TCERG1L: variants seen among roughly 807,000 people sequenced by gnomAD.
TCERG1L encodes the protein transcription elongation regulator 1-like protein.
TCERG1L carries 37 observed loss-of-function variants against 56.3 expected under a neutral mutation model. The ratio of observed to expected loss-of-function variants is 0.66; its 90% confidence interval spans 0.51 to 0.87. TCERG1L has a LOEUF of 0.87. TCERG1L is among the 40% of genes least tolerant of loss of function. TCERG1L has a pLI of 0.00. For synonymous variants in TCERG1L, 324 were observed against 326.3 expected (o/e 0.99, Z 0.08); for missense variants, 799 against 774.2 (o/e 1.03, Z -0.38).
intron 4 of TCERG1L, among the ~76,000 whole-genome samples, chr10:131,225,998 T>C (rs1249477791): frequency 6.6e-6 from 1 of 152,226 alleles, no homozygotes; most frequent in Non-Finnish European, 1.5e-5. Context: ...AGTGCAGTGG[T>C]GCCATCATGG....
intron 4 of TCERG1L, among the ~76,000 whole-genome samples, chr10:131,171,833 A>C (rs1846095663): frequency 6.6e-6 from 1 of 152,206 alleles, no homozygotes; most frequent in Admixed American, 6.5e-5. Flanking sequence ...GGCCTCCCAA[A>C]GTGCTGGGAT....
At chr10:131,136,059 C>T (rs966138121) in intron 7 of TCERG1L, among the ~76,000 whole-genome samples, 3 of 152,222 alleles carry the variant, frequency 2.0e-5, no homozygotes, top group African/African-American at 7.2e-5. Context: ...CCCCACCATG[C>T]TAACGAAAAT....
chr10:131,202,319 T>C (rs1347664062), intron 4 of TCERG1L, among the ~76,000 whole-genome samples: 1 of 152,200 alleles, frequency 6.6e-6, no homozygotes, highest in Non-Finnish European at 1.5e-5. Context: ...CGGTGGTTCA[T>C]GCCTGTAATC....
intron 3 of TCERG1L, among the ~76,000 whole-genome samples, chr10:131,299,277 T>A (rs1846732416): frequency 6.6e-6 from 1 of 152,134 alleles, no homozygotes. Context: ...CAAACTTCTG[T>A]CTATTCATTA....
intron 8 of TCERG1L, among the ~76,000 whole-genome samples, chr10:131,122,324 G>A (rs922707719): frequency 4.6e-5 from 7 of 152,192 alleles, no homozygotes; most frequent in African/African-American, 1.7e-4. Context: ...GGGCTGGCGT[G>A]TCAGGAAACA....
chr10:131,159,127 C>T (rs1020477527), intron 6 of TCERG1L, among the ~76,000 whole-genome samples: 44 of 152,218 alleles, frequency 2.9e-4, no homozygotes, highest in Admixed American at 1.8e-3. Context: ...TTGGGGGCCT[C>T]GGCAGGAAAA....
intron 7 of TCERG1L, among the ~76,000 whole-genome samples, chr10:131,139,397 C>G (rs201483577): frequency 6.6e-6 from 1 of 152,164 alleles, no homozygotes; most frequent in Non-Finnish European, 1.5e-5. Flanking sequence ...TGCATCCAGA[C>G]AGGGCAAGGG....
At chr10:131,263,117 C>A (rs1316869643) in intron 3 of TCERG1L, among the ~76,000 whole-genome samples, 1 of 152,088 alleles carries the variant, frequency 6.6e-6, no homozygotes, top group Non-Finnish European at 1.5e-5. Context: ...AACTGCCAGA[C>A]TGTCTTCCAC....
intron 4 of TCERG1L, among the ~76,000 whole-genome samples, chr10:131,207,309 G>A (rs962493859): frequency 1.2e-4 from 19 of 152,146 alleles, no homozygotes; most frequent in African/African-American, 4.6e-4. Flanking sequence ...AAGCCAGCAT[G>A]AGTGTCACCT....
intron 4 of TCERG1L, among the ~76,000 whole-genome samples, chr10:131,177,654 C>T (rs1229499286): frequency 2.0e-5 from 3 of 152,150 alleles, no homozygotes; most frequent in Admixed American, 6.5e-5. Context: ...CAGAGGGCAG[C>T]GTGTGTGCTG....
chr10:131,158,680 C>T (rs538277501), intron 6 of TCERG1L, among the ~76,000 whole-genome samples: 4 of 152,318 alleles, frequency 2.6e-5, no homozygotes, highest in South Asian at 2.1e-4. Context: ...TCTACACTTA[C>T]GTAGACAGAG....
At chr10:131,182,142 A>T (rs1845186411) in intron 4 of TCERG1L, among the ~76,000 whole-genome samples, 1 of 152,176 alleles carries the variant, frequency 6.6e-6, no homozygotes, top group Admixed American at 6.5e-5. Context: ...TGTGTGTATG[A>T]GCATGTGTGT....
intron 3 of TCERG1L, among the ~76,000 whole-genome samples, chr10:131,302,341 T>G (rs995334627): frequency 2.6e-5 from 4 of 151,842 alleles, no homozygotes; most frequent in Non-Finnish European, 5.9e-5. Flanking sequence ...TTTTTTTGTT[T>G]TTTTTTTTTA....
chr10:131,163,371 G>A (rs1247536210), intron 5 of TCERG1L, among the ~76,000 whole-genome samples, 161 bp from the exon 6 acceptor site: 1 of 152,224 alleles, frequency 6.6e-6, no homozygotes, highest in African/African-American at 2.4e-5. Context: ...GGGAGGTTCT[G>A]CCAGGAACAG....
intron 3 of TCERG1L, among the ~76,000 whole-genome samples, chr10:131,301,482 T>C (rs541724397): frequency 9.9e-4 from 150 of 152,144 alleles, no homozygotes; most frequent in African/African-American, 3.5e-3. Context: ...AACTGACATC[T>C]CCATTGTTAG....
intron 7 of TCERG1L, among the ~76,000 whole-genome samples, chr10:131,141,328 GCTCAAAACACA>G (rs1845736618): frequency 6.6e-6 from 1 of 152,074 alleles, no homozygotes; most frequent in South Asian, 2.1e-4. Flanking sequence ...CTGCCTTAGA[GCTCAAAACACA>G]CCCTTTACCT....
At chr10:131,144,656 G>A (rs577020467) in intron 7 of TCERG1L, among the ~76,000 whole-genome samples, 5 of 152,094 alleles carry the variant, frequency 3.3e-5, no homozygotes, top group Non-Finnish European at 7.4e-5. Context: ...ATTAAAAATC[G>A]TTTTATAACC....
chr10:131,117,160 C>A (rs148418158), intron 8 of TCERG1L, among the ~76,000 whole-genome samples: 1 of 152,258 alleles, frequency 6.6e-6, no homozygotes, highest in Non-Finnish European at 1.5e-5. Flanking sequence ...GAAGCCCCAG[C>A]CCCGGGCCCG....
chr10:131,159,032 C>T (rs1363731479), intron 6 of TCERG1L, among the ~76,000 whole-genome samples: 1 of 152,220 alleles, frequency 6.6e-6, no homozygotes, highest in Non-Finnish European at 1.5e-5. Flanking sequence ...TCCACTGCAG[C>T]CCCGAACCCC....
Sources: allele counts gnomAD v4.1 joint callset (sites outside exome capture counted in the v4.1 genomes callset), GRCh38; gene constraint gnomAD v4.1.1; transcripts MANE v1.5; gene names NCBI Gene and HGNC (gene_info 2026-07-23, HGNC 2026-07-21).